MGAT5: variants seen among roughly 807,000 people sequenced by gnomAD.
The protein encoded by MGAT5 is alpha-1,6-mannosylglycoprotein 6-beta-N-acetylglucosaminyltransferase, also known as alpha-1,6-mannosylglycoprotein 6-beta-N-acetylglucosaminyltransferase A.
Under a neutral mutation model 94.3 loss-of-function variants are expected in MGAT5, and 30 were observed. The ratio of observed to expected loss-of-function variants is 0.32; its 90% CI spans 0.24 to 0.43. The LOEUF (loss-of-function observed/expected upper bound fraction) is 0.43. MGAT5 is among the 20% of genes least tolerant of loss of function. The pLI is 1.00. For synonymous variants in MGAT5, 310 were observed against 322.9 expected, an observed-to-expected ratio of 0.96 and a Z score of 0.43; for missense variants, 691 against 905.5, an observed-to-expected ratio of 0.76 and a Z score of 3.04.
intron 1 of MGAT5, among the ~76,000 whole-genome samples, chr2:134,230,377 G>C (rs1367801302): frequency 6.6e-6 from 1 of 152,178 alleles, no homozygotes; most frequent in Non-Finnish European, 1.5e-5. Flanking sequence ...ACTGCCTGGG[G>C]GTTGGGGACC....
At chr2:134,227,245 C>T (rs1681112852) in intron 1 of MGAT5, among the ~76,000 whole-genome samples, 1 of 152,148 alleles carries the variant, frequency 6.6e-6, no homozygotes, top group Non-Finnish European at 1.5e-5. Flanking sequence ...CTCTTCTCTC[C>T]TTGTGAATTA....
intron 1 of MGAT5, among the ~76,000 whole-genome samples, chr2:134,217,238 G>GGGGTGTGTGTGTGTGTGT (rs140177333): frequency 3.4e-5 from 5 of 145,114 alleles, no homozygotes; most frequent in African/African-American, 1.3e-4. Context: ...GAGAGAGAGT[G>GGGGTGTGTGTGTGTGTGT]GTGTGTGTGT....
intron 14 of MGAT5, among the ~76,000 whole-genome samples, chr2:134,438,834 A>G (rs912657601): frequency 2.0e-5 from 3 of 152,178 alleles, no homozygotes; most frequent in Admixed American, 2.0e-4. Context: ...TCAGAAGAGT[A>G]AGCTGCATCC....
At chr2:134,248,963 A>G (rs890625562) in intron 1 of MGAT5, among the ~76,000 whole-genome samples, 2 of 152,070 alleles carry the variant, frequency 1.3e-5, no homozygotes, top group Non-Finnish European at 2.9e-5. Flanking sequence ...CATTTGCCAG[A>G]CAAGGTGGGC....
chr2:134,329,558 A>G (rs1291025119), intron 4 of MGAT5, among the ~76,000 whole-genome samples: 1 of 152,136 alleles, frequency 6.6e-6, no homozygotes, highest in Non-Finnish European at 1.5e-5. Context: ...AAGTTTAGCC[A>G]ATGTGCTTCA....
intron 2 of MGAT5, among the ~76,000 whole-genome samples, chr2:134,298,437 T>C (rs1253395358): frequency 6.6e-6 from 1 of 152,170 alleles, no homozygotes; most frequent in Non-Finnish European, 1.5e-5. Context: ...AATTATGGTG[T>C]TTATAAAAAA....
chr2:134,149,098 C>T (rs548365799), intron 1 of MGAT5, among the ~76,000 whole-genome samples: 2 of 152,204 alleles, frequency 1.3e-5, no homozygotes, highest in South Asian at 4.2e-4. Flanking sequence ...AGCTTTATCC[C>T]TCCAGGCTTA....
chr2:134,308,621 G>A (rs868047340), intron 2 of MGAT5, among the ~76,000 whole-genome samples: 1 of 152,198 alleles, frequency 6.6e-6, no homozygotes, highest in African/African-American at 2.4e-5. Context: ...CATGACAAAT[G>A]CTCTAATTTA....
chr2:134,299,922 A>G (rs1437502021), intron 2 of MGAT5, among the ~76,000 whole-genome samples: 2 of 152,144 alleles, frequency 1.3e-5, no homozygotes, highest in African/African-American at 4.8e-5. Flanking sequence ...CTCACCTTGA[A>G]TATAACTCTC....
intron 1 of MGAT5, among the ~76,000 whole-genome samples, chr2:134,157,433 A>G (rs1376619927): frequency 6.6e-6 from 1 of 152,112 alleles, no homozygotes; most frequent in Non-Finnish European, 1.5e-5. Context: ...GTAAATGGTG[A>G]CCATTACTAG....
chr2:134,444,213 G>A (rs1427435146), intron 15 of MGAT5, among the ~76,000 whole-genome samples: 1 of 152,188 alleles, frequency 6.6e-6, no homozygotes, highest in African/African-American at 2.4e-5. Flanking sequence ...AGTGGAGTAG[G>A]CCCGAGGCCA....
At chr2:134,370,597 G>A (rs1680722408) in intron 10 of MGAT5, among the ~76,000 whole-genome samples, 1 of 152,276 alleles carries the variant, frequency 6.6e-6, no homozygotes, top group African/African-American at 2.4e-5. Context: ...GAGGCAGGGA[G>A]GAGTGTAGGC....
At chr2:134,391,620 G>A (rs1047302513) in intron 10 of MGAT5, among the ~76,000 whole-genome samples, 3 of 152,124 alleles carry the variant, frequency 2.0e-5, no homozygotes, top group African/African-American at 7.2e-5. Context: ...CTTCACCCTT[G>A]TGACCTCTTT....
intron 10 of MGAT5, among the ~76,000 whole-genome samples, chr2:134,381,818 A>G (rs1318365248): frequency 6.6e-6 from 1 of 152,168 alleles, no homozygotes; most frequent in Non-Finnish European, 1.5e-5. Flanking sequence ...TTGTTCTCTA[A>G]ATCATTTCAA....
At chr2:134,157,013 A>G (rs1476337555) in intron 1 of MGAT5, among the ~76,000 whole-genome samples, 1 of 152,166 alleles carries the variant, frequency 6.6e-6, no homozygotes, top group African/African-American at 2.4e-5. Flanking sequence ...GCCTCCAGAT[A>G]TGGAGGAACC....
At chr2:134,287,241 T>C in intron 2 of MGAT5, among the ~76,000 whole-genome samples, 1 of 152,206 alleles carries the variant, frequency 6.6e-6, no homozygotes, top group East Asian at 1.9e-4. Flanking sequence ...AATTCTTCTA[T>C]TTTAGTCTTC....
intron 2 of MGAT5, among the ~76,000 whole-genome samples, chr2:134,287,154 T>C (rs1685061301): frequency 1.3e-5 from 2 of 152,208 alleles, no homozygotes; most frequent in South Asian, 4.1e-4. Flanking sequence ...TCTCTCATCT[T>C]ATCCTTCCTG....
intron 1 of MGAT5, among the ~76,000 whole-genome samples, chr2:134,132,432 T>C (rs1170991780): frequency 6.6e-6 from 1 of 152,256 alleles, no homozygotes; most frequent in Admixed American, 6.5e-5. Flanking sequence ...AAAAAGTACT[T>C]AACCTTTATC....
intron 10 of MGAT5, among the ~76,000 whole-genome samples, chr2:134,372,267 C>G (rs922509831): frequency 6.6e-6 from 1 of 152,214 alleles, no homozygotes; most frequent in Non-Finnish European, 1.5e-5. Context: ...TCCAGTGCTC[C>G]GGGCCTTTGC....
Sources: gnomAD v4.1 joint callset for allele counts (sites outside exome capture counted in the v4.1 genomes callset) on GRCh38, gnomAD v4.1.1 for gene constraint, MANE v1.5 for transcripts, NCBI Gene and HGNC (gene_info 2026-07-23, HGNC 2026-07-21) for gene names.